Variants in NCOR2 observed in about 807,000 individuals in gnomAD.
The protein encoded by NCOR2 is nuclear receptor corepressor 2.
NCOR2 carries 81 observed loss-of-function variants against 262.9 expected under a neutral mutation model. The observed-to-expected ratio is 0.31, with a 90% confidence interval of 0.26 to 0.37. NCOR2 has a LOEUF of 0.37. Ranked by LOEUF, NCOR2 falls within the 10% of genes least tolerant of loss-of-function variation. The pLI is 1.00. For synonymous variants in NCOR2, 1,659 were observed against 1,559.3 expected (o/e 1.06, Z -1.51); for missense variants, 3,385 against 3,621.4 (o/e 0.93, Z 1.68).
rs1593627772 is a variant in NCOR2, at chr12:124,457,137, A to G, written c.731T>C (p.Ile244Thr). 2.6e-6 allele frequency: 4 copies of G among 1,530,852 alleles called. No individual in the cohort carries two copies. In the East Asian group the frequency reaches 1.1e-4, roughly 40 times the overall value. 94.8% of individuals were successfully genotyped at this position (1,530,852 alleles called of 1,614,324 possible). A position where few individuals can be genotyped will look rare whatever the true frequency, so the allele number is the denominator to read the frequency against. ...CACCTGGGGCCCCAGGCCTTCCAGA[A>G]TCCGATGTGCAGCTTCAGCCTTCTT... is the stretch of plus-strand genomic sequence containing the variant. The change falls in exon 6 of 47, where the codon ATT (isoleucine) becomes ACT (threonine). Residue 244 changes from isoleucine (I) to threonine (T), a missense_variant. Ile to Thr is a moderately conservative substitution (Grantham distance 89). Transcript: ENST00000405201. The surrounding 1 kb of genome is among the most constrained non-coding windows in gnomAD (Gnocchi z 4.0).
At chr12:124,530,969 G>C (rs2050742923) in intron 1 of NCOR2, among the ~76,000 whole-genome samples, 1 of 152,180 alleles carries the variant, frequency 6.6e-6, no homozygotes. Flanking sequence ...GGCTCAAATA[G>C]CTGCCCCCAG....
chr12:124,378,807 C>T lies in NCOR2; in HGVS notation c.2020-423G>A, dbSNP rs1593286274. Among the ~76,000 whole-genome samples the T allele has an allele frequency of 6.6e-6, 1 of 152,236 alleles. No homozygotes were observed. The highest frequency in any genetic ancestry group is 2.4e-5 in the African/African-American group (1 of 41,470). ...TCTCACCTGTCCCTGGGGGAACAGG[C>T]CAGCCTGGGAAGCTCGCGTTTCATT... is the stretch of plus-strand genomic sequence containing the variant. On this transcript the variant is annotated intron_variant, in intron 17 of 46. Transcript: ENST00000405201. This position sits in a 1 kb window ranked among gnomAD's most constrained non-coding sequence, Gnocchi z 4.2.
exon 47 of NCOR2, chr12:124,325,388 C>CCCCCCCCCCCCCCGGGGGGGG: frequency 1.4e-6 from 1 of 693,388 alleles, no homozygotes; most frequent in Non-Finnish European, 2.0e-6. Flanking sequence ...CCCCCCCCCC[C>CCCCCCCCCCCCCCGGGGGGGG]GCCCTGTTCT....
intron 16 of NCOR2, among the ~76,000 whole-genome samples, chr12:124,391,265 C>T (rs1215426766): frequency 6.6e-6 from 1 of 152,160 alleles, no homozygotes; most frequent in African/African-American, 2.4e-5. Flanking sequence ...CCTGGAAACA[C>T]ACTCGCTCTC....
chr12:124,401,474 G>A (rs1455607218), intron 14 of NCOR2, among the ~76,000 whole-genome samples: 1 of 152,196 alleles, frequency 6.6e-6, no homozygotes, highest in African/African-American at 2.4e-5. Context: ...AATTTATAGG[G>A]CCATTTTATT....
At position 124,548,060 on chromosome 12, in the gene NCOR2, G is replaced by C. The variant is rs1304258324; in HGVS notation, c.-164-12449C>G. 1.3e-5 allele frequency among the ~76,000 whole-genome samples: 2 copies of C among 151,860 alleles called. No individual in the cohort carries two copies. Among genetic ancestry groups the C allele is most frequent in the Non-Finnish European group, 2.9e-5 (2 of 67,948 alleles). On this transcript the variant is annotated intron_variant, in intron 1 of 32. Coordinates refer to the NCOR2 transcript ENST00000458234. The surrounding 1 kb of genome is among the most constrained non-coding windows in gnomAD (Gnocchi z 5.1). Reference sequence around the variant, plus strand: ...TGGAATCTGGTGAAGGAGCCAGCTGGTGGGAGAGAGGGGCCTGGGGTGCCC... The same window carrying C: ...TGGAATCTGGTGAAGGAGCCAGCTGCTGGGAGAGAGGGGCCTGGGGTGCCC...
chr12:124,387,688 G>C (rs955690962), intron 16 of NCOR2, among the ~76,000 whole-genome samples: 1 of 152,248 alleles, frequency 6.6e-6, no homozygotes, highest in African/African-American at 2.4e-5. Flanking sequence ...GTGGGATCAA[G>C]TGGCACCCGG....
chr12:124,351,575 G>A (rs1160421905), intron 27 of NCOR2, among the ~76,000 whole-genome samples: 5 of 152,160 alleles, frequency 3.3e-5, no homozygotes, highest in African/African-American at 1.2e-4. Flanking sequence ...CCCGTTGGAG[G>A]ATGTGTTCAA....
At chr12:124,558,931 C>T (rs142668477) in intron 1 of NCOR2, among the ~76,000 whole-genome samples, 5 of 152,336 alleles carry the variant, frequency 3.3e-5, no homozygotes, top group African/African-American at 1.2e-4. Context: ...TCACTCAGAC[C>T]TGTGGGTCCC....
chr12:124,359,214 C>T (rs1016651020), intron 22 of NCOR2, among the ~76,000 whole-genome samples: 9 of 152,206 alleles, frequency 5.9e-5, no homozygotes, highest in Non-Finnish European at 8.8e-5. Context: ...AGATAACCGG[C>T]CAAGAAGTTG....
exon 30 of NCOR2, chr12:124,347,907 G>A: frequency 6.4e-7 from 1 of 1,560,228 alleles, no homozygotes; most frequent in East Asian, 2.4e-5. Flanking sequence ...CACGGCCCAT[G>A]AGACCTGGGT....
intron 1 of NCOR2, among the ~76,000 whole-genome samples, chr12:124,527,129 C>T (rs989110025): frequency 2.0e-5 from 3 of 152,336 alleles, no homozygotes; most frequent in African/African-American, 7.2e-5. Flanking sequence ...AGTGAAACCT[C>T]AGGAGGCCTC....
intron 2 of NCOR2, 41 bp downstream of exon 4, chr12:124,486,400 C>T (rs1270253200): frequency 4.4e-6 from 7 of 1,606,748 alleles, no homozygotes; most frequent in East Asian, 2.2e-5. Context: ...TGAGAAGGAG[C>T]TCTCACGCCC....
At chr12:124,376,994 T>C (rs1448295194) in intron 18 of NCOR2, among the ~76,000 whole-genome samples, 1 of 152,178 alleles carries the variant, frequency 6.6e-6, no homozygotes, top group Non-Finnish European at 1.5e-5. Flanking sequence ...GGGAGCAGTC[T>C]AGACCCCCAG....
intron 28 of NCOR2, among the ~76,000 whole-genome samples, chr12:124,349,092 G>A (rs2037197748): frequency 6.6e-6 from 1 of 152,240 alleles, no homozygotes; most frequent in African/African-American, 2.4e-5. Flanking sequence ...GTCTGCGTGT[G>A]CACGGAGAGG....
At chr12:124,497,495 G>A (rs771476050), upstream of NCOR2, among the ~76,000 whole-genome samples, 23 of 152,318 alleles carry the variant, frequency 1.5e-4, no homozygotes, top group Middle Eastern at 6.8e-3. This position sits in a 1 kb window ranked among gnomAD's most constrained non-coding sequence, Gnocchi z 4.2. Flanking sequence ...GGCGACAGCC[G>A]TCTAGCCCCG....
Position 124,388,555 on chromosome 12 carries a change from C to G in NCOR2, c.1877-2668G>C, listed in dbSNP as rs73421941. 3,934 of 946,862 alleles carry G rather than the reference C, an allele frequency of 4.2e-3. 82 individuals are homozygous for G. The African/African-American group carries it at 0.057, about 14-fold the overall frequency. 58.7% of individuals were successfully genotyped at this position (946,862 alleles called of 1,614,324 possible). Reference sequence around the variant, plus strand: ...GCATGGGGGAAAGGATGGGCTGGGACCCCCATCCACTCCAGGGGCCCAGAA... The same window carrying G: ...GCATGGGGGAAAGGATGGGCTGGGAGCCCCATCCACTCCAGGGGCCCAGAA... On this transcript the variant is annotated intron_variant, in intron 16 of 46. Coordinates refer to ENST00000405201, the Ensembl canonical transcript of NCOR2.
chr12:124,341,117 GC>G (rs1187199414), intron 34 of NCOR2, among the ~76,000 whole-genome samples: 1 of 152,182 alleles, frequency 6.6e-6, no homozygotes, highest in African/African-American at 2.4e-5. Flanking sequence ...TTCCAGCTGA[GC>G]CCCAGCTAGA....
intron 27 of NCOR2, among the ~76,000 whole-genome samples, chr12:124,352,021 C>T (rs1022683421): frequency 1.3e-5 from 2 of 152,174 alleles, no homozygotes; most frequent in Non-Finnish European, 2.9e-5. Context: ...AACAGCAAGA[C>T]GCCCTGAATT....
Sources: allele counts gnomAD v4.1 joint callset (sites outside exome capture counted in the v4.1 genomes callset), GRCh38; gene constraint gnomAD v4.1.1; non-coding constraint Gnocchi (gnomAD v3.1); transcripts MANE v1.5; gene names NCBI Gene and HGNC (gene_info 2026-07-23, HGNC 2026-07-21).